ZC3HC1: variants seen among roughly 807,000 people sequenced by gnomAD.
ZC3HC1 encodes zinc finger C3HC-type protein 1.
A neutral mutation model predicts 61.9 loss-of-function variants in ZC3HC1; 38 were observed. The observed-to-expected ratio is 0.61, with a 90% confidence interval of 0.47 to 0.81. ZC3HC1 has a LOEUF of 0.81. Ranked by LOEUF, ZC3HC1 falls within the 30% of genes least tolerant of loss-of-function variation. The pLI is 0.00. For missense variants in ZC3HC1, 554 were observed against 622.7 expected (o/e 0.89, Z 1.17); for synonymous variants, 213 against 229.9 (o/e 0.93, Z 0.67).
chr7:130,036,646 T>A (rs1037388238), intron 4 of ZC3HC1: 1 of 152,060 alleles, frequency 6.6e-6, no homozygotes, highest in African/African-American at 2.4e-5. Flanking sequence ...TAGAAAAAAA[T>A]TACCTTCAAA....
chr7:130,041,900 T>C (rs1451297275), intron 2 of ZC3HC1, among the ~76,000 whole-genome samples: 1 of 152,186 alleles, frequency 6.6e-6, no homozygotes, highest in African/African-American at 2.4e-5. Flanking sequence ...AAACTATTTT[T>C]AATGCACAGG....
intron 2 of ZC3HC1, chr7:130,045,575 C>G (rs902777231): frequency 2.2e-6 from 1 of 456,168 alleles, no homozygotes; most frequent in African/African-American, 2.0e-5. Flanking sequence ...ATGACTTGTA[C>G]TTTGGATCTC....
At chr7:130,019,848 G>A (rs559619439) in intron 9 of ZC3HC1, among the ~76,000 whole-genome samples, 1 of 121,806 alleles carries the variant, frequency 8.2e-6, no homozygotes, top group Non-Finnish European at 1.6e-5. Context: ...GACAGGTCTC[G>A]CTCTGTCGCC....
At chr7:130,019,640 A>T (rs536383539) in intron 9 of ZC3HC1, among the ~76,000 whole-genome samples, 18 of 152,218 alleles carry the variant, frequency 1.2e-4, no homozygotes, top group Admixed American at 6.5e-4. Flanking sequence ...AAAGTAATTC[A>T]TTAGGAGACA....
At chr7:130,024,089 C>A (rs569137990) in intron 7 of ZC3HC1, among the ~76,000 whole-genome samples, 174 bp downstream of exon 7, 1 of 152,184 alleles carries the variant, frequency 6.6e-6, no homozygotes, top group African/African-American at 2.4e-5. Context: ...CGTGAGCCAC[C>A]GGGTCTGGCT....
intron 2 of ZC3HC1, 120 bp downstream of exon 2, chr7:130,048,913 T>C (rs927220737): frequency 4.5e-6 from 3 of 664,034 alleles, no homozygotes; most frequent in Admixed American, 8.0e-5. Context: ...GACTTTCCTA[T>C]ATAATTTCTT....
intron 9 of ZC3HC1, among the ~76,000 whole-genome samples, chr7:130,019,693 G>A (rs1460552635): frequency 6.6e-6 from 1 of 151,806 alleles, no homozygotes; most frequent in African/African-American, 2.4e-5. Context: ...GTCTGCCTTT[G>A]AGAGTCACAA....
At chr7:130,045,337 GCA>G (rs1417339226) in intron 2 of ZC3HC1, 1 of 285,498 alleles carries the variant, frequency 3.5e-6, no homozygotes, top group African/African-American at 2.2e-5. Context: ...TTCTGTCCTT[GCA>G]CACAGGGAAT....
In ZC3HC1 at chr7:130,018,421, C is replaced by G; in HGVS notation, c.*243G>C. The G allele has an allele frequency of 4.5e-6, 2 of 447,950 alleles. No homozygotes were observed. The highest frequency in any genetic ancestry group is 8.0e-6 in the Non-Finnish European group (2 of 248,842). 27.7% of individuals were successfully genotyped at this position (447,950 alleles called of 1,614,324 possible). A position where few individuals can be genotyped will look rare whatever the true frequency, so the allele number is the denominator to read the frequency against. On this transcript the variant is annotated 3_prime_UTR_variant, in exon 10 of 10. Coordinates refer to ENST00000358303, the MANE Select transcript of ZC3HC1 (RefSeq NM_016478.5). ...TAGTCTTCCTTCTAGTCTGTTAATC[C>G]CACACTCCTTTAACAGAACCATGCT...
intron 1 of ZC3HC1, chr7:130,050,322 C>G: frequency 9.4e-7 from 1 of 1,064,274 alleles, no homozygotes. Flanking sequence ...CGTGATCTGC[C>G]CGCTTCAGCC....
chr7:130,024,585 C>G, intron 6 of ZC3HC1, 79 bp from the exon 7 acceptor site: 1 of 1,460,584 alleles, frequency 6.8e-7, no homozygotes, highest in East Asian at 2.3e-5. Context: ...GTGAGTATGC[C>G]TTATCTCATC....
At chr7:130,020,738 C>T (rs1412374911) in intron 9 of ZC3HC1, among the ~76,000 whole-genome samples, 1 of 151,934 alleles carries the variant, frequency 6.6e-6, no homozygotes, top group Non-Finnish European at 1.5e-5. Flanking sequence ...AAAAACAAAA[C>T]CCATAGGCTT....
chr7:130,019,292 G>A (rs991719029), intron 9 of ZC3HC1, among the ~76,000 whole-genome samples: 5 of 152,024 alleles, frequency 3.3e-5, no homozygotes, highest in African/African-American at 4.8e-5. Context: ...CTCGTGATCC[G>A]CCTGCCTCGG....
At chr7:130,031,798 T>TA (rs1794207224) in intron 4 of ZC3HC1, among the ~76,000 whole-genome samples, 1 of 152,136 alleles carries the variant, frequency 6.6e-6, no homozygotes, top group African/African-American at 2.4e-5. Flanking sequence ...AAGTGAAGGC[T>TA]AACACAGAAC....
rs1366440630 is a variant in ZC3HC1 at position 130,051,304 on chromosome 7, T to C, written c.63A>G (p.Val21=). 1.2e-6 allele frequency: 2 copies of C among 1,613,402 alleles called. No homozygotes were observed. The highest frequency in any genetic ancestry group is 2.2e-5 in the South Asian group (2 of 90,936). Residue 21 remains valine (V), a synonymous_variant, in exon 1 of 10, where the codon GTA becomes GTG. Transcript: ENST00000358303. ...AVGVEKNWGA[V]VRSPEGTPQK... The stretch of plus-strand genomic sequence containing the variant: ...GGGGGGTCCCTTCTGGGGAGCGAAC[T>C]ACTGCACCCCAATTCTTTTCAACCC...
Position 130,024,368 on chromosome 7 carries a change from G to T in ZC3HC1, c.915C>A (p.Ile305=), listed in dbSNP as rs1793789709. 6.2e-6 allele frequency: 10 copies of T among 1,614,026 alleles called. No individual in the cohort carries two copies. The highest frequency in any genetic ancestry group is 8.5e-6 in the Non-Finnish European group (10 of 1,180,038). Residue 305 remains isoleucine (I), a synonymous_variant, in exon 7 of 10, where the codon ATC becomes ATA. Transcript: ENST00000358303. ...DASFGLTSSP[I]PGLEGRPERL... is the part of the protein sequence containing the mutation. ...GCTCTGGTCGCCCCTCAAGGCCTGG[G>T]ATTGGGGAGCTGGTCAGGCCAAAGG...
chr7:130,051,225 C>T lies in ZC3HC1; in HGVS notation c.142G>A (p.Asp48Asn), dbSNP rs1242582588. 1.9e-6 allele frequency: 3 copies of T among 1,606,788 alleles called. No homozygotes were observed. The Admixed American group carries it at 5.1e-5, about 28-fold the overall frequency. ...AGGGTTAACTCGTGAACTCACGCGT[C>T]CACGCCTCCCTCTTCCGGGGCAATC... ...EGIAPEEGGV[D>N]AKDTSATSQS... Residue 48 changes from aspartate to asparagine, a missense_variant, in exon 1 of 10, where the codon GAC (aspartate) becomes AAC (asparagine). Transcript: ENST00000358303.
Position 130,018,693 on chromosome 7 carries a change from G to A in ZC3HC1, c.1480C>T (p.Arg494Trp), listed in dbSNP as rs777832847. Residue 494 changes from arginine to tryptophan, a missense_variant, in exon 10 of 10, where the codon CGG becomes TGG. Physicochemically the swap from Arg to Trp is moderately radical, Grantham distance 101. Coordinates refer to ENST00000358303, the MANE Select transcript of ZC3HC1 (RefSeq NM_016478.5). ...EKSRKVFRIF[R>W]QWESLCSC ...CATGAGCACAGAGATTCCCACTGCC[G>A]AAATATTCGGAATACTTTCCTTGAT... 3 of 1,612,560 alleles carry A rather than the reference G, an allele frequency of 1.9e-6. No homozygotes were observed. The highest frequency in any genetic ancestry group is 1.7e-5 in the Admixed American group (1 of 59,954).
chr7:130,019,197 C>T (rs1793511468), intron 9 of ZC3HC1, among the ~76,000 whole-genome samples: 2 of 152,038 alleles, frequency 1.3e-5, no homozygotes, highest in African/African-American at 2.4e-5. Flanking sequence ...TACAGGCACC[C>T]GCCACCACTC....
Sources: gnomAD v4.1 joint callset for allele counts (sites outside exome capture counted in the v4.1 genomes callset) on GRCh38, gnomAD v4.1.1 for gene constraint, MANE v1.5 for transcripts, NCBI Gene and HGNC (gene_info 2026-07-23, HGNC 2026-07-21) for gene names.